The following GALNT1 variants were observed in gnomAD, a reference collection of about 807,000 sequenced individuals.
GALNT1 encodes the protein polypeptide N-acetylgalactosaminyltransferase 1.
Under a neutral mutation model 65.7 loss-of-function variants are expected in GALNT1, and 17 were observed. The observed-to-expected ratio is 0.26, with a 90% confidence interval of 0.18 to 0.39. The LOEUF is 0.39. Among genes scored for constraint, GALNT1 ranks in the 10% least tolerant of loss-of-function variants. The pLI is 1.00. For missense variants in GALNT1, 460 were observed against 672.8 expected (o/e 0.68, Z 3.50); for synonymous variants, 210 against 219.7 (o/e 0.96, Z 0.39).
intron 3 of GALNT1, among the ~76,000 whole-genome samples, chr18:35,669,327 A>G (rs1463549558): frequency 1.3e-5 from 2 of 152,258 alleles, no homozygotes; most frequent in African/African-American, 2.4e-5. Flanking sequence ...GCCAATGAAA[A>G]TGAAGCAACA....
chr18:35,619,787 C>T (rs1158349195), intron 1 of GALNT1, among the ~76,000 whole-genome samples: 1 of 152,184 alleles, frequency 6.6e-6, no homozygotes, highest in Non-Finnish European at 1.5e-5. Flanking sequence ...CATGTTGTCT[C>T]TGCGTTTTAA....
intron 1 of GALNT1, among the ~76,000 whole-genome samples, chr18:35,641,865 C>A (rs1354818294): frequency 6.6e-6 from 1 of 152,072 alleles, no homozygotes; most frequent in Non-Finnish European, 1.5e-5. Context: ...GGTGTGATGA[C>A]TCATGAGTTA....
chr18:35,601,131 TGGTCTGTTCA>T (rs1952935315), intron 1 of GALNT1, among the ~76,000 whole-genome samples: 1 of 152,120 alleles, frequency 6.6e-6, no homozygotes, highest in Non-Finnish European at 1.5e-5. Flanking sequence ...TACTTTTGAT[TGGTCTGTTCA>T]GGTTTTCTAT....
intron 1 of GALNT1, 46 bp from the exon 2 acceptor site, chr18:35,654,514 T>G: frequency 3.7e-6 from 1 of 270,428 alleles, no homozygotes; most frequent in Non-Finnish European, 6.6e-6. Flanking sequence ...TCACTTTTGA[T>G]GTTCTGAATT....
chr18:35,696,413 T>C (rs907823595), intron 9 of GALNT1, among the ~76,000 whole-genome samples: 2 of 152,228 alleles, frequency 1.3e-5, no homozygotes, highest in African/African-American at 2.4e-5. Flanking sequence ...AGATATAATT[T>C]AGGGCATCTG....
intron 1 of GALNT1, among the ~76,000 whole-genome samples, chr18:35,606,193 G>C (rs769551728): frequency 6.6e-6 from 1 of 152,264 alleles, no homozygotes; most frequent in East Asian, 1.9e-4. Context: ...GGCAAATTGT[G>C]TGCAGTCTCA....
intron 1 of GALNT1, among the ~76,000 whole-genome samples, chr18:35,613,582 A>G (rs1433085114): frequency 6.6e-6 from 1 of 152,116 alleles, no homozygotes; most frequent in Admixed American, 6.6e-5. Flanking sequence ...TGGCTTTTGC[A>G]GGGTGGCCAT....
At chr18:35,661,548 C>G in intron 2 of GALNT1, among the ~76,000 whole-genome samples, 1 of 151,880 alleles carries the variant, frequency 6.6e-6, no homozygotes, top group Non-Finnish European at 1.5e-5. Context: ...TATCCATCAT[C>G]TGGCTTCAAG....
chr18:35,602,825 G>A (rs1045501304), intron 1 of GALNT1, among the ~76,000 whole-genome samples: 20 of 152,170 alleles, frequency 1.3e-4, no homozygotes, highest in African/African-American at 3.9e-4. Flanking sequence ...CTGAGAGCTC[G>A]CACATTGCTG....
At chr18:35,694,212 T>C (rs1481912112) in intron 9 of GALNT1, among the ~76,000 whole-genome samples, 1 of 152,166 alleles carries the variant, frequency 6.6e-6, no homozygotes, top group African/African-American at 2.4e-5. Flanking sequence ...CATAGATGAA[T>C]GTGTACAAGT....
At chr18:35,624,613 A>G (rs1196467229) in intron 1 of GALNT1, among the ~76,000 whole-genome samples, 1 of 152,098 alleles carries the variant, frequency 6.6e-6, no homozygotes, top group Non-Finnish European at 1.5e-5. Context: ...TGGTTTCTCT[A>G]TTATTTTAAA....
rs915922342 is a variant in GALNT1 at position 35,628,417 on chromosome 18, G to A, written c.-103-26143G>A. On this transcript the variant is annotated intron_variant, in intron 1 of 11. Transcript: ENST00000269195. ...CAACATTTGCTGTTGACCAGTATTCGCTGTTCTGCAGCCTCCGCTGCTGAT... is the reference window on the plus strand; with the variant it reads ...CAACATTTGCTGTTGACCAGTATTCACTGTTCTGCAGCCTCCGCTGCTGAT... Among the ~76,000 whole-genome samples, 11 of 152,140 alleles carry A rather than the reference G, an allele frequency of 7.2e-5. No individual in the cohort carries two copies. In the South Asian group the frequency reaches 1.9e-3, roughly 26 times the overall value.
At chr18:35,650,294 G>A (rs2047293716) in intron 1 of GALNT1, among the ~76,000 whole-genome samples, 2 of 152,174 alleles carry the variant, frequency 1.3e-5, no homozygotes, top group South Asian at 2.1e-4. Flanking sequence ...GGGAGTGTAC[G>A]AATAGGGTGT....
intron 1 of GALNT1, among the ~76,000 whole-genome samples, chr18:35,599,366 C>CCTTTTTTTTTTTTTT (rs61028491): frequency 1.6e-5 from 2 of 122,758 alleles, no homozygotes; most frequent in African/African-American, 6.3e-5. Context: ...GAGATTTACA[C>CCTTTTTTTTTTTTTT]TTTTTTTTTT....
chr18:35,599,467 C>T (rs751660376), intron 1 of GALNT1, among the ~76,000 whole-genome samples: 2 of 150,044 alleles, frequency 1.3e-5, no homozygotes, highest in Non-Finnish European at 3.0e-5. Context: ...AACTCCGGGG[C>T]TCAAGTGATC....
At chr18:35,655,723 C>T (rs982570116) in intron 2 of GALNT1, among the ~76,000 whole-genome samples, 15 of 151,758 alleles carry the variant, frequency 9.9e-5, no homozygotes, top group African/African-American at 3.6e-4. Context: ...ATGAGAAGGG[C>T]CTTTGGTCCC....
At chr18:35,672,554 G>A (rs773981941) in intron 3 of GALNT1, among the ~76,000 whole-genome samples, 1 of 152,154 alleles carries the variant, frequency 6.6e-6, no homozygotes, top group African/African-American at 2.4e-5. Context: ...TAACTGGTGT[G>A]TAGCTGGCTG....
At chr18:35,651,410 T>A (rs1568024264) in intron 1 of GALNT1, among the ~76,000 whole-genome samples, 1 of 152,214 alleles carries the variant, frequency 6.6e-6, no homozygotes, top group Non-Finnish European at 1.5e-5. Flanking sequence ...TTGTAATATA[T>A]TAATTTTTTC....
chr18:35,652,663 C>T (rs900241167), intron 1 of GALNT1, among the ~76,000 whole-genome samples: 16 of 152,216 alleles, frequency 1.1e-4, no homozygotes, highest in Middle Eastern at 3.4e-3. Context: ...AGCTAGTTAC[C>T]TTGGCCTTAA....
Sources: allele counts gnomAD v4.1 joint callset (sites outside exome capture counted in the v4.1 genomes callset), GRCh38; gene constraint gnomAD v4.1.1; transcripts MANE v1.5; gene names NCBI Gene and HGNC (gene_info 2026-07-23, HGNC 2026-07-21).